The following ALDH2 variants were observed in gnomAD, a reference collection of about 807,000 sequenced individuals.
ALDH2 encodes aldehyde dehydrogenase, mitochondrial.
Under a neutral mutation model 59.6 loss-of-function variants are expected in ALDH2, and 44 were observed. That is an observed-to-expected ratio of 0.74 (90% CI 0.58 to 0.95). The LOEUF (loss-of-function observed/expected upper bound fraction) is 0.95, where lower values mean the gene tolerates loss of function less well. Among genes scored for constraint, ALDH2 ranks in the 40% least tolerant of loss-of-function variants. The pLI is 0.00. For missense variants in ALDH2, 570 were observed against 696.3 expected (o/e 0.82, Z 2.04); for synonymous variants, 291 against 284.0 (o/e 1.02, Z -0.25).
At position 111,792,801 on chromosome 12, in the gene ALDH2, C is replaced by A. The variant is rs973729432; in HGVS notation, c.1083+19C>A. ...GCCGCAGGTGAGCCAGGCAGTGCCG[C>A]AGGGTCTGGGTGTCTAGAGCCAGCA... On this transcript the variant is annotated intron_variant, in intron 9 of 12. Transcript: ENST00000261733. 2 of 1,542,934 alleles carry A rather than the reference C, an allele frequency of 1.3e-6. No homozygotes were observed. The highest frequency in any genetic ancestry group is 1.7e-6 in the Non-Finnish European group (2 of 1,145,310).
At position 111,781,979 on chromosome 12, in the gene ALDH2, C is replaced by T. The variant is rs773666853; in HGVS notation, c.176C>T (p.Pro59Leu). The T allele has an allele frequency of 6.8e-6, 11 of 1,613,962 alleles. No individual in the cohort carries two copies. In the East Asian group the frequency reaches 8.9e-5, roughly 13 times the overall value. ...AGGAAAACATTCCCCACCGTCAATC[C>T]GTCCACTGGAGAGGTCATCTGTCAG... ...VSRKTFPTVNPSTGEVICQVA... is the reference protein window; with the variant it reads ...VSRKTFPTVNLSTGEVICQVA... Residue 59 changes from proline to leucine, a missense_variant, in exon 2 of 13, where the codon CCG (proline) becomes CTG (leucine). Physicochemically the swap from Pro to Leu is moderately conservative, Grantham distance 98 (BLOSUM62 -3). Coordinates refer to ENST00000261733, the MANE Select transcript of ALDH2 (RefSeq NM_000690.4).
chr12:111,801,820 G>A (rs1395511992), intron 11 of ALDH2, among the ~76,000 whole-genome samples: 2 of 152,282 alleles, frequency 1.3e-5, no homozygotes, highest in African/African-American at 4.8e-5. Flanking sequence ...GCCAGGGGCT[G>A]GGGGAGGGAG....
At chr12:111,786,161 T>C (rs1267774571) in intron 4 of ALDH2, among the ~76,000 whole-genome samples, 1 of 152,226 alleles carries the variant, frequency 6.6e-6, no homozygotes, top group Non-Finnish European at 1.5e-5. Context: ...CTATCTCCGT[T>C]TCAGTCTTTA....
rs574551187 is a variant in ALDH2, at chr12:111,809,690, C to CA, written c.*119dup. The CA allele has an allele frequency of 1.2e-4, 141 of 1,206,390 alleles. 1 individual carries two copies. The East Asian group carries it at 2.1e-3, about 18-fold the overall frequency. 74.7% of individuals were successfully genotyped at this position (1,206,390 alleles called of 1,614,324 possible). ...TATCTGAAAAGAGAAATTTTTCCTA[C>CA]AAAATCTCTTGGGTCAAGAAAGTTC... On this transcript the variant is annotated 3_prime_UTR_variant, in exon 13 of 13. Coordinates refer to ENST00000261733, the MANE Select transcript of ALDH2 (RefSeq NM_000690.4).
chr12:111,801,278 T>C (rs979655988), intron 11 of ALDH2, among the ~76,000 whole-genome samples: 1 of 152,038 alleles, frequency 6.6e-6, no homozygotes, highest in South Asian at 2.1e-4. Flanking sequence ...TTCAATTACC[T>C]CCCACAACAC....
chr12:111,803,446 GAT>G (rs1247235614), intron 11 of ALDH2, among the ~76,000 whole-genome samples: 1 of 151,024 alleles, frequency 6.6e-6, no homozygotes, highest in Non-Finnish European at 1.5e-5. Flanking sequence ...AAAAATAAAA[GAT>G]AAAAAAATTA....
At position 111,799,993 on chromosome 12, in the gene ALDH2, G is replaced by A. The variant is rs1338473626; in HGVS notation, c.1336G>A (p.Ala446Thr). 9.3e-6 allele frequency: 15 copies of A among 1,613,736 alleles called. No individual in the cohort carries two copies. Among genetic ancestry groups the A allele is most frequent in the East Asian group, 2.2e-5 (1 of 44,898 alleles). Residue 446 changes from alanine (A) to threonine (T), a missense_variant, in exon 11 of 13, where the codon GCA becomes ACA. Transcript: ENST00000261733. ...RANNSTYGLA[A>T]AVFTKDLDKA... is the part of the protein sequence containing the mutation. ...CAACAATTCCACGTACGGGCTGGCC[G>A]CAGCTGTCTTCACAAAGGATTTGGA...
intron 1 of ALDH2, among the ~76,000 whole-genome samples, chr12:111,780,698 G>C (rs369471663): frequency 1.3e-5 from 2 of 152,134 alleles, no homozygotes; most frequent in Non-Finnish European, 2.9e-5. Flanking sequence ...TTCTGTGTTT[G>C]ATTGCCTCTT....
At chr12:111,796,048 C>T (rs1266388922) in intron 9 of ALDH2, among the ~76,000 whole-genome samples, 8 of 151,708 alleles carry the variant, frequency 5.3e-5, no homozygotes, top group Admixed American at 4.6e-4. Flanking sequence ...ATCTCTTGAG[C>T]CCAGGATTTC....
At chr12:111,792,904 T>A in intron 9 of ALDH2, 122 bp downstream of exon 9, 1 of 1,135,318 alleles carries the variant, frequency 8.8e-7, no homozygotes, top group South Asian at 1.6e-5. Flanking sequence ...AGCAGCTGTG[T>A]GCCTTTGGGA....
intron 3 of ALDH2, among the ~76,000 whole-genome samples, chr12:111,784,684 G>A (rs1205143683): frequency 2.6e-5 from 4 of 151,974 alleles, no homozygotes; most frequent in Non-Finnish European, 4.4e-5. Context: ...GCACAATCTC[G>A]GCTCACTGCA....
intron 1 of ALDH2, among the ~76,000 whole-genome samples, chr12:111,769,161 G>T (rs560660376): frequency 5.3e-5 from 8 of 152,158 alleles, no homozygotes; most frequent in Non-Finnish European, 1.2e-4. Flanking sequence ...TGGAGGAGCC[G>T]AGTCAATTCC....
chr12:111,773,517 AC>A (rs2068216164), intron 1 of ALDH2, among the ~76,000 whole-genome samples: 1 of 151,926 alleles, frequency 6.6e-6, no homozygotes, highest in Non-Finnish European at 1.5e-5. Context: ...CTTTCATCCT[AC>A]CCGCAACTCT....
At chr12:111,787,878 A>G (rs748572707) in intron 4 of ALDH2, among the ~76,000 whole-genome samples, 2 of 151,836 alleles carry the variant, frequency 1.3e-5, no homozygotes, top group Admixed American at 6.6e-5. Flanking sequence ...AAAAATATAT[A>G]TATATAAAAA....
intron 5 of ALDH2, 131 bp from the exon 6 acceptor site, chr12:111,790,303 G>C (rs776360702): frequency 1.7e-6 from 2 of 1,153,840 alleles, no homozygotes; most frequent in Non-Finnish European, 2.5e-6. Flanking sequence ...ACGATGGATG[G>C]AGTTAGGGGA....
At chr12:111,777,360 C>T (rs556699179) in intron 1 of ALDH2, among the ~76,000 whole-genome samples, 4 of 152,286 alleles carry the variant, frequency 2.6e-5, no homozygotes, top group Admixed American at 2.0e-4. Flanking sequence ...GTCCATGACA[C>T]GCAGAGGGCT....
chr12:111,780,621 C>T (rs1195541725), intron 1 of ALDH2, among the ~76,000 whole-genome samples: 1 of 152,166 alleles, frequency 6.6e-6, no homozygotes, highest in Non-Finnish European at 1.5e-5. Context: ...TCTCTACCCC[C>T]CACCTTAGTC....
At chr12:111,774,900 G>C (rs2068224398) in intron 1 of ALDH2, among the ~76,000 whole-genome samples, 1 of 152,170 alleles carries the variant, frequency 6.6e-6, no homozygotes, top group African/African-American at 2.4e-5. Flanking sequence ...GAGGGATCCT[G>C]TTACCCTCTA....
chr12:111,802,348 G>A (rs1311913425), intron 11 of ALDH2, among the ~76,000 whole-genome samples: 2 of 149,310 alleles, frequency 1.3e-5, no homozygotes, highest in Non-Finnish European at 3.0e-5. Flanking sequence ...GGAGGCAGAG[G>A]TTACAGTGAG....
Sources: gnomAD v4.1 joint callset for allele counts (sites outside exome capture counted in the v4.1 genomes callset) on GRCh38, gnomAD v4.1.1 for gene constraint, MANE v1.5 for transcripts, NCBI Gene and HGNC (gene_info 2026-07-23, HGNC 2026-07-21) for gene names.